The following TMC3 variants were observed in gnomAD, a reference collection of about 807,000 sequenced individuals.
TMC3 encodes transmembrane channel-like protein 3.
Under a neutral mutation model 110.6 loss-of-function variants are expected in TMC3, and 98 were observed. That is an observed-to-expected ratio of 0.89 (90% CI 0.75 to 1.05). The LOEUF is 1.05. Among genes scored for constraint, TMC3 ranks in the 50% least tolerant of loss-of-function variants. The pLI, the probability that TMC3 is intolerant of heterozygous loss-of-function variation, is 0.00. For missense variants in TMC3, 1,319 were observed against 1,373.2 expected (o/e 0.96, Z 0.62); for synonymous variants, 489 against 513.1 (o/e 0.95, Z 0.63).
At chr15:81,367,374 A>G (rs74028646) in intron 3 of TMC3, among the ~76,000 whole-genome samples, 1 of 152,222 alleles carries the variant, frequency 6.6e-6, no homozygotes, top group Non-Finnish European at 1.5e-5. Flanking sequence ...TATGAAAATA[A>G]TTATGCAATG....
intron 3 of TMC3, among the ~76,000 whole-genome samples, chr15:81,367,425 A>AG (rs768108219): frequency 6.6e-5 from 10 of 152,198 alleles, no homozygotes; most frequent in African/African-American, 2.4e-4. Flanking sequence ...ATTGGGAAGT[A>AG]GGGGGTATAG....
Position 81,358,486 on chromosome 15 carries a change from C to T in TMC3, c.516G>A (p.Gln172=), listed in dbSNP as rs772172489. 1.2e-6 allele frequency: 2 copies of T among 1,611,804 alleles called. No homozygotes were observed. The highest frequency in any genetic ancestry group is 1.7e-6 in the Non-Finnish European group (2 of 1,178,830). Reference sequence around the variant, plus strand: ...TCTTCCTGGCTGTGCTTCCAAAGGGCTGGCCTGCAATCAGCTGGTGAGAGA... The same window carrying T: ...TCTTCCTGGCTGTGCTTCCAAAGGGTTGGCCTGCAATCAGCTGGTGAGAGA... The part of the protein sequence containing the change: ...FIVIPELIAG[Q]PFGSTARKTI... Residue 172 remains glutamine (Q), a synonymous_variant, in exon 6 of 22, where the codon CAG becomes CAA. Transcript: ENST00000359440.
Position 81,374,002 on chromosome 15 carries a change from ATTCC to A in TMC3, c.72_75del (p.Gln24HisfsTer51), listed in dbSNP as rs1174615314. The A allele has an allele frequency of 6.2e-7, 1 of 1,613,696 alleles. No individual in the cohort carries two copies. The highest frequency in any genetic ancestry group is 1.1e-5 in the South Asian group (1 of 90,956). On this transcript the variant is annotated frameshift_variant, in exon 1 of 22. Coordinates refer to ENST00000359440, the MANE Select transcript of TMC3 (RefSeq NM_001080532.3). LOFTEE classifies it high-confidence loss of function. ...GGGCCAGCTCACCTGAGCAGCAGAG[ATTCC>A]TGGTAGAGGTAGCACTGGCTGGCAT...
rs1317964119 is a variant in TMC3, at chr15:81,368,324, C to T, written c.241G>A (p.Ala81Thr). The change falls in exon 3 of 22, where the codon GCG becomes ACG. Residue 81 changes from alanine to threonine, a missense_variant. By Grantham distance (58) the Ala-to-Thr change is moderately conservative. Coordinates refer to ENST00000359440, the MANE Select transcript of TMC3 (RefSeq NM_001080532.3). ...MGQKLRALRQAKNIVLKFEGR... is the reference protein window; with the variant it reads ...MGQKLRALRQTKNIVLKFEGR... The stretch of plus-strand genomic sequence containing the variant: ...TCAAACTTCAGCACAATGTTCTTCG[C>T]TTGTCTAAGAGAAGAAAAACATGAT... 6.2e-7 allele frequency: 1 copy of T among 1,613,110 alleles called. No homozygotes were observed. Among genetic ancestry groups the T allele is most frequent in the East Asian group, 2.2e-5 (1 of 44,866 alleles).
chr15:81,349,946 G>T (rs1485771775), intron 10 of TMC3, among the ~76,000 whole-genome samples: 3 of 134,588 alleles, frequency 2.2e-5, no homozygotes, highest in Non-Finnish European at 3.1e-5. Context: ...AACACAGCAA[G>T]ACCCCATCTC....
intron 14 of TMC3, among the ~76,000 whole-genome samples, 163 bp downstream of exon 14, chr15:81,343,745 CAAAAAAAAA>C (rs377587040): frequency 9.3e-5 from 11 of 117,760 alleles, no homozygotes; most frequent in Non-Finnish European, 1.7e-4. Flanking sequence ...AAAAAACAGA[CAAAAAAAAA>C]AAAAAGGAAG....
chr15:81,372,228 G>C (rs1567071953), intron 2 of TMC3, among the ~76,000 whole-genome samples: 1 of 151,698 alleles, frequency 6.6e-6, no homozygotes, highest in Admixed American at 6.6e-5. Context: ...AGCTTGGAGA[G>C]AATATTAAAA....
rs778478733 is a variant in TMC3, at chr15:81,332,455, G to A, written c.3267C>T (p.Thr1089=). The A allele has an allele frequency of 6.8e-6, 11 of 1,611,428 alleles. No individual in the cohort carries two copies. Among genetic ancestry groups the A allele is most frequent in the Non-Finnish European group, 8.5e-6 (10 of 1,178,812 alleles). ...AACAAATCAAGTCATCCAGATCCAC[G>A]GTCAGCTCCTGCCCCGACTTGGCCT... ...RRKAKSGQEL[T]VDLDDLICSD... Residue 1089 remains threonine, a synonymous_variant, in exon 22 of 22, where the codon ACC becomes ACT. Coordinates refer to ENST00000359440, the MANE Select transcript of TMC3 (RefSeq NM_001080532.3).
In TMC3 at chr15:81,359,379, TA is replaced by T. The variant is rs1190388226; in HGVS notation, c.486del (p.Phe162LeufsTer7). 5 of 1,602,192 alleles carry T rather than the reference TA, an allele frequency of 3.1e-6. No homozygotes were observed. In the African/African-American group the frequency reaches 5.4e-5, roughly 17 times the overall value. ...AAACATCTTACCTCTGGAATGACAA[TA>T]AAAGCACCTGTCATAATGGTGAGCA... The part of the protein sequence containing the change: ...NIVLTIMTGA[F>X]IVIPELIAGQ... On this transcript the variant is annotated frameshift_variant, in exon 5 of 22. Transcript: ENST00000359440. LOFTEE classifies it high-confidence loss of function.
chr15:81,344,581 C>T lies in TMC3; in HGVS notation c.1518+185G>A, dbSNP rs568768270. Among the ~76,000 whole-genome samples the T allele has an allele frequency of 5.9e-5, 9 of 152,278 alleles. No homozygotes were observed. The South Asian group carries it at 1.2e-3, about 21-fold the overall frequency. ...AGCATTTAGGACAGGACCCAGCATGCGGTCAATATTGGCTGAATCTTTGCA... is the reference window on the plus strand; with the variant it reads ...AGCATTTAGGACAGGACCCAGCATGTGGTCAATATTGGCTGAATCTTTGCA... On this transcript the variant is annotated intron_variant, in intron 13 of 21. Transcript: ENST00000359440.
At chr15:81,356,615 CAGGTCT>C in intron 7 of TMC3, 21 bp from the exon 8 acceptor site, 1 of 1,577,252 alleles carries the variant, frequency 6.3e-7, no homozygotes, top group Non-Finnish European at 8.6e-7. Flanking sequence ...GGAGCACAAA[CAGGTCT>C]TGGGAGTCTC....
chr15:81,373,253 G>C (rs1204610247), intron 1 of TMC3, among the ~76,000 whole-genome samples: 18 of 152,108 alleles, frequency 1.2e-4, no homozygotes, highest in Non-Finnish European at 1.5e-5. Flanking sequence ...TGAGATAACC[G>C]AGGCAGAGCC....
chr15:81,363,585 A>G (rs1894239748), intron 3 of TMC3, among the ~76,000 whole-genome samples: 3 of 152,224 alleles, frequency 2.0e-5, no homozygotes, highest in Admixed American at 2.0e-4. Context: ...TTTTATCAGA[A>G]GTTTATCAGA....
At chr15:81,370,272 G>A (rs1894405160) in intron 2 of TMC3, among the ~76,000 whole-genome samples, 1 of 152,164 alleles carries the variant, frequency 6.6e-6, no homozygotes, top group South Asian at 2.1e-4. Flanking sequence ...AAGCAGTCAG[G>A]GTTCCGTGCT....
At chr15:81,346,247 A>G in intron 12 of TMC3, 118 bp downstream of exon 12, 2 of 917,566 alleles carry the variant, frequency 2.2e-6, no homozygotes, top group East Asian at 2.6e-5. Context: ...AGTTTTGCAC[A>G]TGATTATGGA....
At chr15:81,365,415 G>A (rs1227958281) in intron 3 of TMC3, among the ~76,000 whole-genome samples, 2 of 152,234 alleles carry the variant, frequency 1.3e-5, no homozygotes, top group African/African-American at 4.8e-5. Context: ...GCTTATGCCT[G>A]TAATCCCAGC....
chr15:81,358,620 G>T, intron 5 of TMC3, 120 bp from the exon 6 acceptor site: 1 of 745,228 alleles, frequency 1.3e-6, no homozygotes. Flanking sequence ...CCAGGGGGTG[G>T]ATTTCTGCTT....
At chr15:81,356,408 C>T in intron 8 of TMC3, 39 bp downstream of exon 8, 1 of 1,545,770 alleles carries the variant, frequency 6.5e-7, no homozygotes, top group Non-Finnish European at 8.7e-7. Context: ...TGACCCTGAG[C>T]TGCCCACCCC....
intron 5 of TMC3, 103 bp from the exon 6 acceptor site, chr15:81,358,603 G>C (rs1406260845): frequency 1.5e-5 from 13 of 846,096 alleles, no homozygotes; most frequent in Non-Finnish European, 2.3e-5. Context: ...CCACACATAA[G>C]AGATCTCCAG....
Sources: gnomAD v4.1 joint callset for allele counts (sites outside exome capture counted in the v4.1 genomes callset) on GRCh38, gnomAD v4.1.1 for gene constraint, MANE v1.5 for transcripts, NCBI Gene and HGNC (gene_info 2026-07-23, HGNC 2026-07-21) for gene names.